Variants in PAGR1 observed in about 807,000 individuals in gnomAD.
The protein encoded by PAGR1 is PAXIP1 associated glutamate rich protein 1.
PAGR1 carries 20 observed loss-of-function variants against 22.4 expected under a neutral mutation model. The observed-to-expected ratio is 0.89, with a 90% CI of 0.63 to 1.30. The LOEUF (loss-of-function observed/expected upper bound fraction) is 1.30. Among genes scored for constraint, PAGR1 ranks in the 50% most tolerant of loss-of-function variants. The pLI, the probability that PAGR1 is intolerant of heterozygous loss-of-function variation, is 0.00. For synonymous variants in PAGR1, 161 were observed against 148.3 expected, an observed-to-expected ratio of 1.09 and a Z score of -0.62; for missense variants, 338 against 343.6, an observed-to-expected ratio of 0.98 and a Z score of 0.13.
chr16:29,819,763 G>T lies in PAGR1; in HGVS notation c.*9G>T, dbSNP rs1900323115. 1 of 1,604,162 alleles carries T rather than the reference G, an allele frequency of 6.2e-7. No homozygotes were observed. The highest frequency in any genetic ancestry group is 2.2e-5 in the East Asian group (1 of 44,590). On this transcript the variant is annotated 3_prime_UTR_variant, in exon 3 of 3. Coordinates refer to ENST00000320330, the MANE Select transcript of PAGR1 (RefSeq NM_024516.4). ...GGCAGCGGAAATACTGATTCCCACT[G>T]CTCCTGCCTCTAGGGTGCAGTGTCC... is the stretch of plus-strand genomic sequence containing the variant.
At position 29,816,448 on chromosome 16, in the gene PAGR1, CA is replaced by C; in HGVS notation, c.-77del. 7.3e-7 allele frequency: 1 copy of C among 1,361,168 alleles called. No homozygotes were observed. The highest frequency in any genetic ancestry group is 3.3e-5 in the Admixed American group (1 of 30,170). 84.3% of individuals were successfully genotyped at this position (1,361,168 alleles called of 1,614,324 possible). ...TTGGCTGGAAACGGTCCCGAACCCC[CA>C]GGGGAGCCCGATCCCTGGGGGACCC... is the stretch of plus-strand genomic sequence containing the variant. On this transcript the variant is annotated 5_prime_UTR_variant, in exon 1 of 3. Coordinates refer to ENST00000320330, the MANE Select transcript of PAGR1 (RefSeq NM_024516.4).
At position 29,816,814 on chromosome 16, in the gene PAGR1, G is replaced by A; in HGVS notation, c.289G>A (p.Glu97Lys). 1 of 1,566,692 alleles carries A rather than the reference G, an allele frequency of 6.4e-7. No homozygotes were observed. ...CGTGCCCTGCAGCGACGAGGAGGTG[G>A]AGCTGCCTGCGGATGGGCAGCCCTG... ...WCVPCSDEEV[E>K]LPADGQPWMP... Residue 97 changes from glutamate to lysine, a missense_variant, in exon 1 of 3, where the codon GAG (glutamate) becomes AAG (lysine). Transcript: ENST00000320330.
intron 2 of PAGR1, chr16:29,818,049 T>A (rs1260722540): frequency 6.6e-6 from 1 of 152,236 alleles, no homozygotes; most frequent in African/African-American, 2.4e-5. Context: ...TGTTTCCCAT[T>A]CCCAGAAGTC....
rs1035915737 is a variant in PAGR1, at chr16:29,820,641, CAG to C, written c.*890_*891del. Reference sequence around the variant, plus strand: ...TGGGGCAGGGAAAACATGTCTGAATCAGAGTGGGGAAGGAGGATGGGTGGTGG... The same window carrying C: ...TGGGGCAGGGAAAACATGTCTGAATCAGTGGGGAAGGAGGATGGGTGGTGG... On this transcript the variant is annotated 3_prime_UTR_variant, in exon 3 of 3. Coordinates refer to ENST00000320330, the MANE Select transcript of PAGR1 (RefSeq NM_024516.4). The C allele has an allele frequency of 3.9e-5, 6 of 152,316 alleles. No individual in the cohort carries two copies. Among genetic ancestry groups the C allele is most frequent in the African/African-American group, 1.2e-4 (5 of 41,454 alleles). 9.4% of individuals were successfully genotyped at this position (152,316 alleles called of 1,614,324 possible).
chr16:29,819,336 A>G (rs920282541), intron 2 of PAGR1: 6 of 577,310 alleles, frequency 1.0e-5, no homozygotes, highest in East Asian at 2.9e-5. Context: ...CCTGCCCAGT[A>G]TGTTCCTCCC....
rs201002535 is a variant in PAGR1 at position 29,822,087 on chromosome 16, G to GTTTT, written c.*2346_*2349dup. Among the ~76,000 whole-genome samples, 1 of 138,468 alleles carries GTTTT rather than the reference G, an allele frequency of 7.2e-6. No individual in the cohort carries two copies. Among genetic ancestry groups the GTTTT allele is most frequent in the Non-Finnish European group, 1.6e-5 (1 of 63,438 alleles). The allele number at this position is 138,468 out of a possible 152,430, so 90.8% of individuals were successfully genotyped here. A position where few individuals can be genotyped will look rare whatever the true frequency, so the allele number is the denominator to read the frequency against. ...TTTGTGTGTGTGTGGTTGGGGTTTT[G>GTTTT]TTTTTTTTTTTTTTTTAAAGAATTA... On this transcript the variant is annotated 3_prime_UTR_variant, in exon 3 of 3. Coordinates refer to ENST00000320330, the MANE Select transcript of PAGR1 (RefSeq NM_024516.4).
Position 29,820,052 on chromosome 16 carries a change from A to G in PAGR1, c.*298A>G. The stretch of plus-strand genomic sequence containing the variant: ...AGTGTGTGTTTTCTATTGAACACCT[A>G]TTCAGAGACCTGGACTGAATTTTCT... On this transcript the variant is annotated 3_prime_UTR_variant, in exon 3 of 3. Coordinates refer to ENST00000320330, the MANE Select transcript of PAGR1 (RefSeq NM_024516.4). The G allele has an allele frequency of 3.0e-6, 1 of 329,292 alleles. No individual in the cohort carries two copies. The highest frequency in any genetic ancestry group is 5.6e-6 in the Non-Finnish European group (1 of 178,656). 20.4% of individuals were successfully genotyped at this position (329,292 alleles called of 1,614,324 possible).
chr16:29,819,661 C>G lies in PAGR1; in HGVS notation c.672C>G (p.Asp224Glu). 6.2e-7 allele frequency: 1 copy of G among 1,614,038 alleles called. No homozygotes were observed. Among genetic ancestry groups the G allele is most frequent in the Non-Finnish European group, 8.5e-7 (1 of 1,180,026 alleles). Residue 224 changes from aspartate (D) to glutamate (E), a missense_variant, in exon 3 of 3, where the codon GAC becomes GAG. Transcript: ENST00000320330. Reference protein sequence around the residue: ...LEEQILRTGRDLFSLDSEDPS... With the variant: ...LEEQILRTGRELFSLDSEDPS... ...AGCAGATCCTTCGTACCGGGAGGGA[C>G]CTCTTCAGCCTGGACTCGGAGGACC... is the stretch of plus-strand genomic sequence containing the variant.
chr16:29,821,596 C>T lies in PAGR1; in HGVS notation c.*1842C>T, dbSNP rs979730174. On this transcript the variant is annotated 3_prime_UTR_variant, in exon 3 of 3. Transcript: ENST00000320330. ...ACAGCCCCACCCAGGTCCTCTAGTT[C>T]TTGTTCTCGGCTTAGAATCTTTGTG... is the stretch of plus-strand genomic sequence containing the variant. Among the ~76,000 whole-genome samples the T allele has an allele frequency of 6.6e-6, 1 of 152,222 alleles. No individual in the cohort carries two copies.
Position 29,821,935 on chromosome 16 carries a change from C to T in PAGR1, c.*2181C>T, listed in dbSNP as rs1460995126. Among the ~76,000 whole-genome samples, 1 of 152,084 alleles carries T rather than the reference C, an allele frequency of 6.6e-6. No homozygotes were observed. The highest frequency in any genetic ancestry group is 1.5e-5 in the Non-Finnish European group (1 of 68,016). ...AGCAGCAGGAGTGGGGTTAAGAATTCCAGCCTAGGGCTGGATGCGGTGGCT... is the reference window on the plus strand; with the variant it reads ...AGCAGCAGGAGTGGGGTTAAGAATTTCAGCCTAGGGCTGGATGCGGTGGCT... On this transcript the variant is annotated 3_prime_UTR_variant, in exon 3 of 3. Coordinates refer to ENST00000320330, the MANE Select transcript of PAGR1 (RefSeq NM_024516.4).
At position 29,816,848 on chromosome 16, in the gene PAGR1, C is replaced by A. The variant is rs534165002; in HGVS notation, c.323C>A (p.Pro108Gln). 141 of 1,561,526 alleles carry A rather than the reference C, an allele frequency of 9.0e-5. 1 individual carries two copies. The East Asian group carries it at 3.1e-3, about 34-fold the overall frequency. Residue 108 changes from proline (P) to glutamine (Q), a missense_variant, in exon 1 of 3, where the codon CCG becomes CAG. This residue lies in a region of PAGR1 where 235 missense variants were observed against 216.0 expected (regional missense o/e 1.09). Coordinates refer to ENST00000320330, the MANE Select transcript of PAGR1 (RefSeq NM_024516.4). ...GCGGATGGGCAGCCCTGGATGCCCC[C>A]GCCCTCCGAAATCCAGCGGCTCTAT... ...LPADGQPWMP[P>Q]PSEIQRLYEL...
chr16:29,819,175 G>A (rs1207959158), intron 2 of PAGR1, among the ~76,000 whole-genome samples: 4 of 151,768 alleles, frequency 2.6e-5, no homozygotes, highest in African/African-American at 9.7e-5. Flanking sequence ...TTTTGTGTTG[G>A]CCAGGCTGGT....
Position 29,821,199 on chromosome 16 carries a change from T to C in PAGR1, c.*1445T>C, listed in dbSNP as rs1596903380. The C allele has an allele frequency of 6.6e-6, 1 of 152,056 alleles. No individual in the cohort carries two copies. The highest frequency in any genetic ancestry group is 1.5e-5 in the Non-Finnish European group (1 of 68,068). The allele number at this position is 152,056 out of a possible 1,614,324, so 9.4% of individuals were successfully genotyped here. ...GGAGCCAAGCACTTGGGGGTGGAGG[T>C]GATAGCGAGGCTGATGGCCCCTGTG... is the stretch of plus-strand genomic sequence containing the variant. On this transcript the variant is annotated 3_prime_UTR_variant, in exon 3 of 3. Coordinates refer to ENST00000320330, the MANE Select transcript of PAGR1 (RefSeq NM_024516.4).
At position 29,816,486 on chromosome 16, in the gene PAGR1, T is replaced by C. The variant is rs74331830; in HGVS notation, c.-40T>C. 6.6e-4 allele frequency: 963 copies of C among 1,450,928 alleles called. 6 individuals are homozygous for C. The African/African-American group carries it at 0.011, about 16-fold the overall frequency. 89.9% of individuals were successfully genotyped at this position (1,450,928 alleles called of 1,614,324 possible). ...TCCCTGGGGGACCCTGGCTTCGGAC[T>C]CCAGTATCTGTCGTCGCAGGGTCCC... On this transcript the variant is annotated 5_prime_UTR_variant, in exon 1 of 3. Transcript: ENST00000320330.
chr16:29,820,662 G>C lies in PAGR1; in HGVS notation c.*908G>C, dbSNP rs1900353254. On this transcript the variant is annotated 3_prime_UTR_variant, in exon 3 of 3. Transcript: ENST00000320330. ...GAATCAGAGTGGGGAAGGAGGATGGGTGGTGGCTTTGCTTTTGGAGGTTTC... is the reference window on the plus strand; with the variant it reads ...GAATCAGAGTGGGGAAGGAGGATGGCTGGTGGCTTTGCTTTTGGAGGTTTC... 6.6e-6 allele frequency among the ~76,000 whole-genome samples: 1 copy of C among 152,198 alleles called. No homozygotes were observed.
rs1272558099 is a variant in PAGR1, at chr16:29,820,337, G to C, written c.*583G>C. Reference sequence around the variant, plus strand: ...GCACTCAGGGAGCAGTGTGCCTTCAGCTGCAGCAGAAGCAGCCCGGAGGAT... The same window carrying C: ...GCACTCAGGGAGCAGTGTGCCTTCACCTGCAGCAGAAGCAGCCCGGAGGAT... On this transcript the variant is annotated 3_prime_UTR_variant, in exon 3 of 3. Coordinates refer to ENST00000320330, the MANE Select transcript of PAGR1 (RefSeq NM_024516.4). 1 of 152,272 alleles carries C rather than the reference G, an allele frequency of 6.6e-6. No individual in the cohort carries two copies. The highest frequency in any genetic ancestry group is 1.5e-5 in the Non-Finnish European group (1 of 68,092). The allele number at this position is 152,272 out of a possible 1,614,324, so 9.4% of individuals were successfully genotyped here. A position where few individuals can be genotyped will look rare whatever the true frequency, so the allele number is the denominator to read the frequency against.
chr16:29,818,596 C>T (rs1046270073), intron 2 of PAGR1: 5 of 152,168 alleles, frequency 3.3e-5, no homozygotes, highest in African/African-American at 1.2e-4. Flanking sequence ...CGAAGTCTTT[C>T]TCTTGCTCAG....
In PAGR1 at chr16:29,822,103, T is replaced by TC. The variant is rs2067366768; in HGVS notation, c.*2349_*2350insC. On this transcript the variant is annotated 3_prime_UTR_variant, in exon 3 of 3. Transcript: ENST00000320330. ...TGGGGTTTTGTTTTTTTTTTTTTTT[T>TC]AAAGAATTATAGCTCAGTCCTATGA... is the stretch of plus-strand genomic sequence containing the variant. Among the ~76,000 whole-genome samples, 1 of 150,894 alleles carries TC rather than the reference T, an allele frequency of 6.6e-6. No homozygotes were observed. The highest frequency in any genetic ancestry group is 1.5e-5 in the Non-Finnish European group (1 of 67,758).
Position 29,816,623 on chromosome 16 carries a change from T to C in PAGR1, c.98T>C (p.Val33Ala), listed in dbSNP as rs760337168. The C allele has an allele frequency of 3.3e-6, 5 of 1,528,428 alleles. No homozygotes were observed. The highest frequency in any genetic ancestry group is 3.5e-6 in the Non-Finnish European group (4 of 1,141,804). 94.7% of individuals were successfully genotyped at this position (1,528,428 alleles called of 1,614,324 possible). A position where few individuals can be genotyped will look rare whatever the true frequency, so the allele number is the denominator to read the frequency against. Residue 33 changes from valine (V) to alanine (A), a missense_variant, in exon 1 of 3, where the codon GTG (valine) becomes GCG (alanine). By Grantham distance (64) the Val-to-Ala change is moderately conservative. Around this residue, in one of 3 missense-constraint regions of PAGR1, gnomAD observed 235 missense variants for 216.0 expected, o/e 1.09. Coordinates refer to ENST00000320330, the MANE Select transcript of PAGR1 (RefSeq NM_024516.4). The stretch of plus-strand genomic sequence containing the variant: ...ACCTCCGGCCTCCAGGCTCTGGCCG[T>C]GGAGGATACCGGAGGCCCCTCTGCC... ...EVTSGLQALAVEDTGGPSASA... is the reference protein window; with the variant it reads ...EVTSGLQALAAEDTGGPSASA...
Sources: gnomAD v4.1 joint callset for allele counts (sites outside exome capture counted in the v4.1 genomes callset) on GRCh38, gnomAD v4.1.1 for gene constraint, gnomAD v4.1.1 regional missense constraint, MANE v1.5 for transcripts, NCBI Gene and HGNC (gene_info 2026-07-23, HGNC 2026-07-21) for gene names.